MCC: variants seen among roughly 807,000 people sequenced by gnomAD.
The protein encoded by MCC is colorectal mutant cancer protein.
Under a neutral mutation model 116.2 loss-of-function variants are expected in MCC, and 90 were observed. The ratio of observed to expected loss-of-function variants is 0.77; its 90% CI spans 0.65 to 0.92. The LOEUF (loss-of-function observed/expected upper bound fraction) is 0.92, where lower values mean the gene tolerates loss of function less well. Ranked by LOEUF, MCC falls within the 40% of genes least tolerant of loss-of-function variation. MCC has a pLI of 0.00. For missense variants in MCC, 1,516 were observed against 1,312.2 expected (o/e 1.16, Z -2.40); for synonymous variants, 578 against 510.5 (o/e 1.13, Z -1.78).
intron 1 of MCC, among the ~76,000 whole-genome samples, chr5:113,413,852 A>C (rs1770064256): frequency 6.6e-6 from 1 of 151,952 alleles, no homozygotes; most frequent in Non-Finnish European, 1.5e-5. Context: ...TAGTTCTTTT[A>C]ATTGTGATGG....
intron 3 of MCC, among the ~76,000 whole-genome samples, chr5:113,178,986 TAAAC>T (rs1561431812): frequency 6.6e-6 from 1 of 152,184 alleles, no homozygotes; most frequent in African/African-American, 2.4e-5. Context: ...CAGCAGAGCT[TAAAC>T]AAAAGAAGAG....
At chr5:113,237,019 T>C (rs1406822236) in intron 3 of MCC, among the ~76,000 whole-genome samples, 1 of 152,190 alleles carries the variant, frequency 6.6e-6, no homozygotes, top group Non-Finnish European at 1.5e-5. Context: ...AGAAGGAAAG[T>C]GGCAACGGGG....
At chr5:113,059,761 C>A (rs1289897584) in intron 14 of MCC, among the ~76,000 whole-genome samples, 1 of 152,252 alleles carries the variant, frequency 6.6e-6, no homozygotes, top group African/African-American at 2.4e-5. Flanking sequence ...TCATTGCCAG[C>A]AGCTCTTCCA....
At chr5:113,084,874 G>A (rs536030438) in intron 9 of MCC, among the ~76,000 whole-genome samples, 2 of 152,322 alleles carry the variant, frequency 1.3e-5, no homozygotes, top group South Asian at 4.1e-4. Context: ...GTGAAGTACT[G>A]GAGCACTTGA....
chr5:113,453,294 A>C (rs1285404687), intron 1 of MCC, among the ~76,000 whole-genome samples: 1 of 152,112 alleles, frequency 6.6e-6, no homozygotes, highest in Non-Finnish European at 1.5e-5. Flanking sequence ...CACACACAAC[A>C]CGTACACACA....
At chr5:113,061,955 C>T (rs1372725018) in intron 14 of MCC, among the ~76,000 whole-genome samples, 21 of 152,230 alleles carry the variant, frequency 1.4e-4, no homozygotes, top group Non-Finnish European at 2.5e-4. Flanking sequence ...GGGTCTGGTG[C>T]TTTGGGACTT....
intron 12 of MCC, among the ~76,000 whole-genome samples, chr5:113,068,875 CT>C (rs1402823051): frequency 1.3e-5 from 2 of 152,212 alleles, no homozygotes; most frequent in Non-Finnish European, 2.9e-5. Flanking sequence ...ACAAGAGACC[CT>C]GAACCAGAAC....
At chr5:113,089,371 G>A (rs922112266) in intron 8 of MCC, among the ~76,000 whole-genome samples, 8 of 152,206 alleles carry the variant, frequency 5.3e-5, no homozygotes, top group African/African-American at 1.4e-4. Flanking sequence ...ACATTAAAAG[G>A]TTGCAGTTGT....
chr5:113,099,985 G>A (rs1286142739), intron 8 of MCC, among the ~76,000 whole-genome samples: 2 of 152,188 alleles, frequency 1.3e-5, no homozygotes, highest in South Asian at 4.1e-4. Context: ...AATTACAGGT[G>A]GCGTGGGCTT....
intron 3 of MCC, among the ~76,000 whole-genome samples, chr5:113,173,934 T>C (rs6862997): frequency 0.99 from 150,832 of 152,284 alleles, 74,707 homozygotes; most frequent in Middle Eastern, 1. Flanking sequence ...GCATAACCAA[T>C]TCCAAAGACA....
Position 113,401,652 on chromosome 5 carries a change from T to C in MCC, c.171-16440A>G, listed in dbSNP as rs1418495312. ...GGGACTGTTGCATTCATACTGAGAATAGATGTTCCCAATGTTTATTTTGGC... is the reference window on the plus strand; with the variant it reads ...GGGACTGTTGCATTCATACTGAGAACAGATGTTCCCAATGTTTATTTTGGC... On this transcript the variant is annotated intron_variant, in intron 1 of 18. Coordinates refer to ENST00000408903, the MANE Select transcript of MCC (RefSeq NM_001085377.2). Among the ~76,000 whole-genome samples, 4 of 152,096 alleles carry C rather than the reference T, an allele frequency of 2.6e-5. No homozygotes were observed. In the East Asian group the frequency reaches 5.8e-4, roughly 22 times the overall value.
chr5:113,433,692 C>A, intron 1 of MCC: 1 of 1,574,350 alleles, frequency 6.4e-7, no homozygotes, highest in Non-Finnish European at 8.6e-7. Context: ...AGAGCTTGGG[C>A]TTTAAGCCGT....
chr5:113,441,420 A>G (rs1371006020), intron 1 of MCC, among the ~76,000 whole-genome samples: 1 of 152,136 alleles, frequency 6.6e-6, no homozygotes, highest in Non-Finnish European at 1.5e-5. Flanking sequence ...GTTGGAAAAC[A>G]TTTTCTATAA....
At chr5:113,072,522 C>T (rs1002615694) in intron 11 of MCC, among the ~76,000 whole-genome samples, 10 of 152,334 alleles carry the variant, frequency 6.6e-5, no homozygotes, top group African/African-American at 2.4e-4. Flanking sequence ...TCTCAGGGCC[C>T]TTCTCAGACA....
At chr5:113,048,188 C>T (rs1250284781) in intron 16 of MCC, among the ~76,000 whole-genome samples, 1 of 152,200 alleles carries the variant, frequency 6.6e-6, no homozygotes, top group African/African-American at 2.4e-5. Context: ...ATAATAAATG[C>T]AGTCATTGGT....
At chr5:113,080,361 T>C (rs1463326162) in intron 11 of MCC, among the ~76,000 whole-genome samples, 1 of 152,226 alleles carries the variant, frequency 6.6e-6, no homozygotes, top group Non-Finnish European at 1.5e-5. Flanking sequence ...CATGTATGTT[T>C]ATTATGGCAC....
At chr5:113,036,161 C>A (rs1484618767) in intron 17 of MCC, among the ~76,000 whole-genome samples, 2 of 151,852 alleles carry the variant, frequency 1.3e-5, no homozygotes, top group African/African-American at 4.8e-5. Flanking sequence ...CCTCAGCCTC[C>A]TGAGTAGCTG....
At chr5:113,179,228 C>T (rs1489641911) in intron 3 of MCC, among the ~76,000 whole-genome samples, 1 of 152,156 alleles carries the variant, frequency 6.6e-6, no homozygotes, top group East Asian at 1.9e-4. Flanking sequence ...ATGAACAGTA[C>T]CACAGAACAC....
At chr5:113,479,743 CT>C (rs2150435320) in intron 1 of MCC, among the ~76,000 whole-genome samples, 1 of 151,960 alleles carries the variant, frequency 6.6e-6, no homozygotes, top group South Asian at 2.1e-4. Context: ...AATGGTTTTT[CT>C]TTTTTCTTCT....
Sources: gnomAD v4.1 joint callset for allele counts (sites outside exome capture counted in the v4.1 genomes callset) on GRCh38, gnomAD v4.1.1 for gene constraint, MANE v1.5 for transcripts, NCBI Gene and HGNC (gene_info 2026-07-23, HGNC 2026-07-21) for gene names.